TPTE2: variants seen among roughly 807,000 people sequenced by gnomAD.
The protein encoded by TPTE2 is transmembrane phosphoinositide 3-phosphatase and tensin homolog 2.
Under a neutral mutation model 78.6 loss-of-function variants are expected in TPTE2, and 53 were observed. The ratio of observed to expected loss-of-function variants is 0.67; its 90% CI spans 0.54 to 0.85. The LOEUF (loss-of-function observed/expected upper bound fraction) is 0.85. TPTE2 is among the 40% of genes least tolerant of loss of function. TPTE2 has a pLI of 0.00. For missense variants in TPTE2, 461 were observed against 623.0 expected (o/e 0.74, Z 2.77); for synonymous variants, 175 against 206.2 (o/e 0.85, Z 1.30).
intron 10 of TPTE2, among the ~76,000 whole-genome samples, chr13:19,452,082 C>G (rs1351712037): frequency 6.6e-6 from 1 of 151,966 alleles, no homozygotes; most frequent in Non-Finnish European, 1.5e-5. Flanking sequence ...TCAAAGTCAT[C>G]CATTTATTAA....
chr13:19,483,528 G>T (rs1048502602), intron 3 of TPTE2, among the ~76,000 whole-genome samples: 1 of 151,746 alleles, frequency 6.6e-6, no homozygotes, highest in Non-Finnish European at 1.5e-5. Flanking sequence ...TTACTTATTT[G>T]GTTCTTCCCT....
chr13:19,505,472 T>C (rs1200883721), upstream of TPTE2, among the ~76,000 whole-genome samples: 1 of 152,108 alleles, frequency 6.6e-6, no homozygotes, highest in Non-Finnish European at 1.5e-5. Flanking sequence ...AACTGCAGTC[T>C]GTAAGGAAAC....
chr13:19,519,821 C>T (rs1251068730), intron 1 of TPTE2, among the ~76,000 whole-genome samples: 9 of 152,040 alleles, frequency 5.9e-5, no homozygotes, highest in African/African-American at 1.7e-4. Flanking sequence ...AAAAGAGAAG[C>T]TAGGATTTTG....
chr13:19,496,319 A>C (rs1881308772), intron 1 of TPTE2, among the ~76,000 whole-genome samples: 1 of 152,218 alleles, frequency 6.6e-6, no homozygotes, highest in East Asian at 1.9e-4. Context: ...CACTGACTCA[A>C]GAGTTCACCA....
intron 1 of TPTE2, chr13:19,536,560 A>T (rs1342152887): frequency 2.0e-5 from 3 of 152,158 alleles, no homozygotes; most frequent in African/African-American, 7.2e-5. Flanking sequence ...ATTTTATAAA[A>T]TACTATTATA....
chr13:19,468,653 A>G (rs1377247938), intron 6 of TPTE2, among the ~76,000 whole-genome samples: 2 of 152,136 alleles, frequency 1.3e-5, no homozygotes, highest in Admixed American at 1.3e-4. Context: ...GGGTTCTCTT[A>G]TCTTCACATC....
At chr13:19,536,913 CTTGT>C (rs1368413186), upstream of TPTE2, among the ~76,000 whole-genome samples, 6 of 150,448 alleles carry the variant, frequency 4.0e-5, no homozygotes, top group African/African-American at 1.5e-4. Flanking sequence ...CATGAATATA[CTTGT>C]TTAATATGAA....
intron 1 of TPTE2, among the ~76,000 whole-genome samples, chr13:19,501,555 G>T (rs1457099946): frequency 6.6e-6 from 1 of 150,632 alleles, no homozygotes; most frequent in Non-Finnish European, 1.5e-5. Context: ...ATGGGGAAAG[G>T]ATTCCCTATT....
the TPTE2 span, among the ~76,000 whole-genome samples, chr13:19,543,170 A>T: frequency 2.0e-5 from 3 of 151,308 alleles, no homozygotes; most frequent in East Asian, 5.8e-4. Context: ...CGATCGTCCC[A>T]CTTCCCAAGT....
intron 1 of TPTE2, among the ~76,000 whole-genome samples, chr13:19,511,441 G>C (rs1259077086): frequency 1.3e-5 from 2 of 152,216 alleles, no homozygotes; most frequent in Non-Finnish European, 1.5e-5. Context: ...TATGAAAATT[G>C]TTGCATATAT....
chr13:19,435,853 G>T (rs1245498344), intron 15 of TPTE2, among the ~76,000 whole-genome samples: 2 of 152,070 alleles, frequency 1.3e-5, no homozygotes, highest in Non-Finnish European at 2.9e-5. Flanking sequence ...GCCCTAGTAA[G>T]GGTTTGTGAA....
chr13:19,507,957 T>C (rs2137687021), upstream of TPTE2, among the ~76,000 whole-genome samples: 1 of 152,328 alleles, frequency 6.6e-6, no homozygotes, highest in Admixed American at 6.5e-5. Context: ...TATTAAACTC[T>C]GTTAAATTTA....
At chr13:19,460,759 A>G (rs1402894754) in intron 10 of TPTE2, among the ~76,000 whole-genome samples, 2 of 152,114 alleles carry the variant, frequency 1.3e-5, no homozygotes, top group African/African-American at 2.4e-5. Context: ...TGATAGTTAT[A>G]TTTTTATTGA....
At chr13:19,506,388 T>G (rs1869044014), upstream of TPTE2, among the ~76,000 whole-genome samples, 1 of 151,506 alleles carries the variant, frequency 6.6e-6, no homozygotes, top group Admixed American at 6.6e-5. Flanking sequence ...TTAGCCGGGA[T>G]GGTCTCGATC....
chr13:19,460,827 T>C (rs1390210550), intron 10 of TPTE2, among the ~76,000 whole-genome samples: 3 of 152,206 alleles, frequency 2.0e-5, no homozygotes, highest in Non-Finnish European at 2.9e-5. Context: ...CAGCTGGCAT[T>C]TCACAGTAAA....
At chr13:19,427,373 G>A (rs534746426) in intron 17 of TPTE2, among the ~76,000 whole-genome samples, 3 of 152,086 alleles carry the variant, frequency 2.0e-5, no homozygotes, top group South Asian at 2.1e-4. Flanking sequence ...ATGAGCCACC[G>A]TGCCCGGCCG....
chr13:19,432,624 A>G, intron 15 of TPTE2, 46 bp from the exon 19 acceptor site: 1 of 1,335,558 alleles, frequency 7.5e-7, no homozygotes. Flanking sequence ...TGAAAAGTCT[A>G]AAGTCAGCAT....
chr13:19,495,647 T>A (rs373936773), intron 1 of TPTE2, among the ~76,000 whole-genome samples: 3 of 152,214 alleles, frequency 2.0e-5, no homozygotes, highest in Non-Finnish European at 4.4e-5. Flanking sequence ...TGCATGTATG[T>A]ATGTGTTTGT....
intron 10 of TPTE2, chr13:19,458,632 A>G (rs1465370859): frequency 6.2e-6 from 3 of 487,272 alleles, no homozygotes; most frequent in Non-Finnish European, 8.2e-6. Flanking sequence ...GATTAGGCCC[A>G]GTCTTTTGCT....
Sources: allele counts gnomAD v4.1 joint callset (sites outside exome capture counted in the v4.1 genomes callset), GRCh38; gene constraint gnomAD v4.1.1; transcripts MANE v1.5; gene names NCBI Gene and HGNC (gene_info 2026-07-23, HGNC 2026-07-21).